ARHGAP1: variants seen among roughly 807,000 people sequenced by gnomAD.
ARHGAP1 encodes the protein rho GTPase-activating protein 1.
ARHGAP1 carries 23 observed loss-of-function variants against 52.2 expected under a neutral mutation model. The ratio of observed to expected loss-of-function variants is 0.44; its 90% CI spans 0.32 to 0.62. The LOEUF (loss-of-function observed/expected upper bound fraction) is 0.62. Among genes scored for constraint, ARHGAP1 ranks in the 20% least tolerant of loss-of-function variants. ARHGAP1 has a pLI of 0.05. For synonymous variants in ARHGAP1, 210 were observed against 228.4 expected (o/e 0.92, Z 0.73); for missense variants, 480 against 560.9 (o/e 0.86, Z 1.46).
chr11:46,685,590 G>A (rs1198966430), intron 4 of ARHGAP1, among the ~76,000 whole-genome samples: 2 of 151,528 alleles, frequency 1.3e-5, no homozygotes, highest in Non-Finnish European at 2.9e-5. Context: ...CTCCCAAAGT[G>A]CTGAGATTAC....
Position 46,680,328 on chromosome 11 carries a change from G to A in ARHGAP1, c.821-46C>T. 6.2e-7 allele frequency: 1 copy of A among 1,601,746 alleles called. No individual in the cohort carries two copies. The highest frequency in any genetic ancestry group is 8.6e-7 in the Non-Finnish European group (1 of 1,169,236). ...GTGAGCCTCCGAGCGCTGGGCACCG[G>A]CTGGATTCCCTGCCCCTTCTCTGTC... On this transcript the variant is annotated intron_variant, in intron 9 of 12. Transcript: ENST00000311956. This position sits in a 1 kb window ranked among gnomAD's most constrained non-coding sequence, Gnocchi z 5.9.
Position 46,680,674 on chromosome 11 carries a change from G to C in ARHGAP1, c.709C>G (p.Leu237Val), listed in dbSNP as rs772050568. 1 of 1,601,968 alleles carries C rather than the reference G, an allele frequency of 6.2e-7. No individual in the cohort carries two copies. Among genetic ancestry groups the C allele is most frequent in the South Asian group, 1.1e-5 (1 of 89,914 alleles). ...APKPMPPRPP[L>V]PNQQFGVSLQ... ...GAGACTCCAAACTGCTGGTTGGGCA[G>C]GGGGGGCCGTGGGGGCATGGGCTTG... The change falls in exon 8 of 13, where the codon CTG becomes GTG. Residue 237 changes from leucine to valine, a missense_variant. Coordinates refer to ENST00000311956, the MANE Select transcript of ARHGAP1 (RefSeq NM_004308.5). The surrounding 1 kb of genome is among the most constrained non-coding windows in gnomAD (Gnocchi z 5.9).
In ARHGAP1 at chr11:46,679,125, T is replaced by G; in HGVS notation, c.1232A>C (p.Lys411Thr). 6.2e-7 allele frequency: 1 copy of G among 1,614,104 alleles called. No homozygotes were observed. ...LWAKDAAITLKAINPINTFTK... is the reference protein window; with the variant it reads ...LWAKDAAITLTAINPINTFTK... ...GAAGGTGTTGATGGGATTAATGGCC[T>G]TGAGGGTGATGGCCGCATCCTTGGC... Residue 411 changes from lysine (K) to threonine (T), a missense_variant, in exon 13 of 13, where the codon AAG (lysine) becomes ACG (threonine). Transcript: ENST00000311956. This position sits in a 1 kb window ranked among gnomAD's most constrained non-coding sequence, Gnocchi z 4.4.
rs2064511932 is a variant in ARHGAP1 at position 46,680,063 on chromosome 11, G to C, written c.898+142C>G. 2 of 1,107,348 alleles carry C rather than the reference G, an allele frequency of 1.8e-6. No individual in the cohort carries two copies. Among genetic ancestry groups the C allele is most frequent in the Admixed American group, 3.9e-5 (2 of 51,910 alleles). 68.6% of individuals were successfully genotyped at this position (1,107,348 alleles called of 1,614,324 possible). ...CGATGAGGCAGCAGGCCTGGCAGAA[G>C]TAGGACTTATGTGACACCCAGAGCC... On this transcript the variant is annotated intron_variant, in intron 10 of 12. Transcript: ENST00000311956. The surrounding 1 kb of genome is among the most constrained non-coding windows in gnomAD (Gnocchi z 5.9).
Position 46,682,170 on chromosome 11 carries a change from G to T in ARHGAP1, c.330C>A (p.His110Gln), listed in dbSNP as rs1270191836. ...DHSKLLGYLK[H>Q]TLDQYVESDY... ...CACTCTCCACGTACTGGTCCAGGGT[G>T]TGCTTCAGGTACCTTCCAGGGAAAA... Residue 110 changes from histidine (H) to glutamine (Q), a missense_variant, in exon 5 of 13, where the codon CAC becomes CAA. Transcript: ENST00000311956. 1 of 1,613,988 alleles carries T rather than the reference G, an allele frequency of 6.2e-7. No homozygotes were observed. Among genetic ancestry groups the T allele is most frequent in the Admixed American group, 1.7e-5 (1 of 60,008 alleles).
Position 46,681,942 on chromosome 11 carries a change from C to T in ARHGAP1, c.449+109G>A, listed in dbSNP as rs1446454859. On this transcript the variant is annotated intron_variant, in intron 5 of 12. Coordinates refer to ENST00000311956, the MANE Select transcript of ARHGAP1 (RefSeq NM_004308.5). The surrounding 1 kb of genome is among the most constrained non-coding windows in gnomAD (Gnocchi z 5.7). ...TTACATTGACGTAGACGGCAGCCCC[C>T]GCCACCCCCTGCCTTGGAATAAGCT... The T allele has an allele frequency of 3.3e-6, 5 of 1,501,708 alleles. No homozygotes were observed. The highest frequency in any genetic ancestry group is 2.3e-5 in the East Asian group (1 of 43,036). The allele number at this position is 1,501,708 out of a possible 1,614,324, so 93.0% of individuals were successfully genotyped here.
At chr11:46,691,886 CCT>C (rs1471144992) in intron 3 of ARHGAP1, among the ~76,000 whole-genome samples, 1 of 152,208 alleles carries the variant, frequency 6.6e-6, no homozygotes, top group Non-Finnish European at 1.5e-5. Context: ...CAGCACCTGG[CCT>C]CTGTGTTTGT....
chr11:46,689,371 G>C (rs1238124587), intron 3 of ARHGAP1, among the ~76,000 whole-genome samples: 2 of 152,150 alleles, frequency 1.3e-5, no homozygotes, highest in Non-Finnish European at 2.9e-5. Flanking sequence ...GTGGGGAATG[G>C]GGACAGACTG....
Position 46,694,762 on chromosome 11 carries a change from G to A in ARHGAP1, c.229+898C>T, listed in dbSNP as rs143669387. On this transcript the variant is annotated intron_variant, in intron 3 of 12. Coordinates refer to ENST00000311956, the MANE Select transcript of ARHGAP1 (RefSeq NM_004308.5). ...AGGCCCTCAACCCAGATCAGGGCAG[G>A]CGCCAAGAATACAAACGCCATGGAA... Among the ~76,000 whole-genome samples the A allele has an allele frequency of 4.1e-3, 630 of 152,346 alleles. 2 individuals are homozygous for A. Among genetic ancestry groups the A allele is most frequent in the African/African-American group, 0.013 (529 of 41,570 alleles).
At chr11:46,686,712 TCCAG>T (rs1410012819) in intron 4 of ARHGAP1, 2 of 146,592 alleles carry the variant, frequency 1.4e-5, no homozygotes, top group East Asian at 4.1e-4. Flanking sequence ...AGCCACCGCG[TCCAG>T]CCACTTCAGG....
chr11:46,685,408 A>T (rs1172867281), intron 4 of ARHGAP1, among the ~76,000 whole-genome samples: 9 of 150,332 alleles, frequency 6.0e-5, no homozygotes, highest in Non-Finnish European at 8.9e-5. Flanking sequence ...GCACACTGCA[A>T]CCTCCGCCTC....
rs2064501250 is a variant in ARHGAP1, at chr11:46,678,906, GAGGT to G, written c.*127_*130del. ...CCAGGGCCGTGAGGCGGGCTGGACA[GAGGT>G]GGGGGAGAGCATGCCTGATGGGTGG... On this transcript the variant is annotated 3_prime_UTR_variant, in exon 13 of 13. Coordinates refer to ENST00000311956, the MANE Select transcript of ARHGAP1 (RefSeq NM_004308.5). The G allele has an allele frequency of 9.4e-7, 1 of 1,066,280 alleles. No individual in the cohort carries two copies. The highest frequency in any genetic ancestry group is 1.3e-6 in the Non-Finnish European group (1 of 747,612). The allele number at this position is 1,066,280 out of a possible 1,614,324, so 66.1% of individuals were successfully genotyped here. A position where few individuals can be genotyped will look rare whatever the true frequency, so the allele number is the denominator to read the frequency against.
intron 3 of ARHGAP1, 33 bp downstream of exon 3, chr11:46,695,627 G>T (rs2064646227): frequency 6.5e-7 from 1 of 1,545,838 alleles, no homozygotes; most frequent in Non-Finnish European, 8.8e-7. Context: ...CAGGAGCTCT[G>T]AGGGTTAGGA....
chr11:46,682,994 T>C (rs1485551103), intron 4 of ARHGAP1, among the ~76,000 whole-genome samples: 1 of 151,952 alleles, frequency 6.6e-6, no homozygotes, highest in Non-Finnish European at 1.5e-5. Context: ...GTCACACAGC[T>C]TGTGGTAGAT....
At chr11:46,686,185 C>T (rs1274761852) in intron 4 of ARHGAP1, among the ~76,000 whole-genome samples, 1 of 150,986 alleles carries the variant, frequency 6.6e-6, no homozygotes, top group Non-Finnish European at 1.5e-5. Context: ...GAGACAGGGT[C>T]ATGTTGGTCA....
At chr11:46,698,760 C>CGCCCCCACATAACTAA (rs2064676533) in intron 1 of ARHGAP1, among the ~76,000 whole-genome samples, 1 of 152,222 alleles carries the variant, frequency 6.6e-6, no homozygotes, top group Admixed American at 6.5e-5. Context: ...CCTCCCTCAA[C>CGCCCCCACATAACTAA]GCCCCCACAT....
At chr11:46,686,380 T>G (rs997714934) in intron 4 of ARHGAP1, among the ~76,000 whole-genome samples, 2 of 152,150 alleles carry the variant, frequency 1.3e-5, no homozygotes, top group Non-Finnish European at 2.9e-5. Flanking sequence ...GGTGCAGAGC[T>G]GAAGTTGAAT....
intron 3 of ARHGAP1, among the ~76,000 whole-genome samples, chr11:46,693,752 G>C (rs2064631842): frequency 6.6e-6 from 1 of 152,084 alleles, no homozygotes; most frequent in Non-Finnish European, 1.5e-5. Context: ...GGGCTGGGCT[G>C]ATGGAGCCAG....
chr11:46,695,548 C>T (rs1252033599), intron 3 of ARHGAP1, 112 bp downstream of exon 3: 1 of 1,165,536 alleles, frequency 8.6e-7, no homozygotes. Context: ...ATGCCAGGAG[C>T]ACCAGGGCCA....
Sources: allele counts gnomAD v4.1 joint callset (sites outside exome capture counted in the v4.1 genomes callset), GRCh38; gene constraint gnomAD v4.1.1; non-coding constraint Gnocchi (gnomAD v3.1); transcripts MANE v1.5; gene names NCBI Gene and HGNC (gene_info 2026-07-23, HGNC 2026-07-21).